The following ELP3 variants were observed in gnomAD, a reference collection of about 807,000 sequenced individuals.
ELP3 encodes elongator acetyltransferase complex subunit 3, also known as elongator complex protein 3.
ELP3 carries 56 observed loss-of-function variants against 74.9 expected under a neutral mutation model. The observed-to-expected ratio is 0.75, with a 90% CI of 0.60 to 0.93. ELP3 has a LOEUF of 0.93. Ranked by LOEUF, ELP3 falls within the 40% of genes least tolerant of loss-of-function variation. The probability of loss-of-function intolerance (pLI) is 0.00; values close to 1 mark genes in which losing one functional copy is unlikely to be tolerated. For missense variants in ELP3, 573 were observed against 686.5 expected (o/e 0.83, Z 1.85); for synonymous variants, 222 against 239.8 (o/e 0.93, Z 0.68).
chr8:28,159,484 C>A (rs1183490683), intron 12 of ELP3, among the ~76,000 whole-genome samples: 2 of 152,212 alleles, frequency 1.3e-5, no homozygotes, highest in African/African-American at 4.8e-5. Flanking sequence ...ATCTCCCCAT[C>A]TACCGAGTGT....
chr8:28,090,268 G>T, upstream of ELP3: 1 of 401,222 alleles, frequency 2.5e-6, no homozygotes, highest in South Asian at 1.9e-5. Flanking sequence ...TGTGCAAGGA[G>T]GAGTGGCCAA....
intron 4 of ELP3, among the ~76,000 whole-genome samples, 180 bp downstream of exon 4, chr8:28,106,963 A>G (rs543281146): frequency 6.6e-6 from 1 of 152,332 alleles, no homozygotes; most frequent in Admixed American, 6.5e-5. Context: ...ATTGGAATAT[A>G]TAAGGCCGGG....
intron 10 of ELP3, among the ~76,000 whole-genome samples, chr8:28,141,511 C>G (rs2130495074): frequency 6.6e-6 from 1 of 152,272 alleles, no homozygotes; most frequent in Non-Finnish European, 1.5e-5. Context: ...TGGTGAAACT[C>G]AAATGGGGTC....
chr8:28,175,524 A>G (rs746505219), intron 14 of ELP3, among the ~76,000 whole-genome samples: 2 of 152,034 alleles, frequency 1.3e-5, no homozygotes, highest in Non-Finnish European at 2.9e-5. Flanking sequence ...TCCCCTTGAT[A>G]TCCTTTCTTT....
chr8:28,180,208 T>C (rs960132426), intron 14 of ELP3, among the ~76,000 whole-genome samples: 3 of 152,160 alleles, frequency 2.0e-5, no homozygotes, highest in Non-Finnish European at 1.5e-5. Flanking sequence ...CTCTAACACA[T>C]GCATATTGAC....
chr8:28,146,374 A>G (rs767331865), intron 10 of ELP3, among the ~76,000 whole-genome samples: 2 of 152,208 alleles, frequency 1.3e-5, no homozygotes, highest in Non-Finnish European at 2.9e-5. Context: ...TTTCTGAAGT[A>G]TGAGCAACTG....
At chr8:28,124,458 C>T (rs1343791436) in intron 7 of ELP3, among the ~76,000 whole-genome samples, 1 of 152,076 alleles carries the variant, frequency 6.6e-6, no homozygotes, top group Non-Finnish European at 1.5e-5. Flanking sequence ...TGATTTGAAG[C>T]TTTCTAATGA....
At position 28,093,230 on chromosome 8, in the gene ELP3, A is replaced by G. The variant is rs557145550; in HGVS notation, c.16A>G (p.Lys6Glu). The change falls in exon 1 of 15, where the codon AAA (lysine) becomes GAA (glutamate). Residue 6 changes from lysine (K) to glutamate (E), a missense_variant. By Grantham distance (56) the Lys-to-Glu change is moderately conservative. Transcript: ENST00000256398. Reference protein sequence around the residue: MRQKRKGDLSPAELMM... With the variant: MRQKREGDLSPAELMM... Reference sequence around the variant, plus strand: ...CGGCGCAGAAATGAGGCAGAAGCGGAAAGGTGCGAAAGGGGAAGGAGATGG... The same window carrying G: ...CGGCGCAGAAATGAGGCAGAAGCGGGAAGGTGCGAAAGGGGAAGGAGATGG... The G allele has an allele frequency of 1.2e-6, 2 of 1,613,098 alleles. No homozygotes were observed. Among genetic ancestry groups the G allele is most frequent in the Non-Finnish European group, 1.7e-6 (2 of 1,179,904 alleles).
intron 11 of ELP3, 27 bp from the exon 12 acceptor site, chr8:28,158,541 C>T (rs954136853): frequency 1.3e-6 from 2 of 1,588,276 alleles, no homozygotes; most frequent in African/African-American, 1.3e-5. Context: ...ACCCCCCAAC[C>T]CCGCTCACGC....
At chr8:28,154,638 T>A (rs974750732) in intron 10 of ELP3, among the ~76,000 whole-genome samples, 5 of 152,186 alleles carry the variant, frequency 3.3e-5, no homozygotes, top group African/African-American at 9.7e-5. Context: ...AGTAAAATTT[T>A]AAAAATATAC....
chr8:28,156,272 C>T (rs1199971857), intron 11 of ELP3, among the ~76,000 whole-genome samples: 1 of 152,098 alleles, frequency 6.6e-6, no homozygotes, highest in Admixed American at 6.6e-5. Flanking sequence ...AACTGTGTGC[C>T]CCACTCCAGT....
chr8:28,096,494 G>A (rs1426799273), intron 1 of ELP3, among the ~76,000 whole-genome samples: 2 of 152,244 alleles, frequency 1.3e-5, no homozygotes, highest in East Asian at 3.9e-4. Context: ...AAAAAGACTG[G>A]CATTTTTTAC....
intron 14 of ELP3, among the ~76,000 whole-genome samples, chr8:28,189,243 C>T (rs1204604150): frequency 6.6e-6 from 1 of 152,230 alleles, no homozygotes; most frequent in African/African-American, 2.4e-5. Context: ...AACCGTCTAT[C>T]GTTTGGCCTC....
At position 28,156,000 on chromosome 8, in the gene ELP3, GC is replaced by G. The variant is rs746877030; in HGVS notation, c.1160del (p.Ala387AspfsTer5). ...GVEHGNLREL[A>X]LARMKDLGIQ... is the part of the protein sequence containing the mutation. Reference sequence around the variant, plus strand: ...AGAGCATGGTAACCTGAGAGAGCTGGCACTTGCAAGAATGAAAGACCTCGGA... The same window carrying G: ...AGAGCATGGTAACCTGAGAGAGCTGGACTTGCAAGAATGAAAGACCTCGGA... On this transcript the variant is annotated frameshift_variant, in exon 11 of 15. Coordinates refer to ENST00000256398, the MANE Select transcript of ELP3 (RefSeq NM_018091.6). LOFTEE classifies it high-confidence loss of function. 5 of 1,613,782 alleles carry G rather than the reference GC, an allele frequency of 3.1e-6. No individual in the cohort carries two copies. The Admixed American group carries it at 8.3e-5, about 27-fold the overall frequency.
rs756465140 is a variant in ELP3 at position 28,189,634 on chromosome 8, TC to T, written c.1568-14del. On this transcript the variant is annotated splice_polypyrimidine_tract_variant and intron_variant, in intron 14 of 14. Transcript: ENST00000256398. ...TAAAGTGAATGCTCCTTTTTTAACT[TC>T]GATTTTTCTGCAGGGGTCGGCACCA... The T allele has an allele frequency of 3.1e-5, 50 of 1,613,804 alleles. No individual in the cohort carries two copies. The highest frequency in any genetic ancestry group is 3.8e-5 in the Non-Finnish European group (45 of 1,179,852).
At chr8:28,171,604 G>A (rs1814530081) in intron 14 of ELP3, among the ~76,000 whole-genome samples, 1 of 151,990 alleles carries the variant, frequency 6.6e-6, no homozygotes, top group Non-Finnish European at 1.5e-5. Flanking sequence ...TCCATTCTGT[G>A]GGTTGCCTTT....
chr8:28,153,852 T>A (rs929283231), intron 10 of ELP3, among the ~76,000 whole-genome samples: 1 of 152,180 alleles, frequency 6.6e-6, no homozygotes, highest in Non-Finnish European at 1.5e-5. Context: ...ATTGGGTAAT[T>A]AACTTCTCAG....
At position 28,169,855 on chromosome 8, in the gene ELP3, G is replaced by A. The variant is rs541063812; in HGVS notation, c.1567+7777G>A. On this transcript the variant is annotated intron_variant, in intron 14 of 14. Coordinates refer to ENST00000256398, the MANE Select transcript of ELP3 (RefSeq NM_018091.6). ...CACTGTGCACTTTTTGGCAGGCATC[G>A]GTTCCTCACAAGCTGTTGGTCTTGG... Among the ~76,000 whole-genome samples the A allele has an allele frequency of 1.2e-4, 18 of 152,162 alleles. No homozygotes were observed. The South Asian group carries it at 2.5e-3, about 21-fold the overall frequency.
intron 7 of ELP3, among the ~76,000 whole-genome samples, chr8:28,125,913 A>C (rs1005030521): frequency 1.3e-5 from 2 of 152,310 alleles, no homozygotes; most frequent in Admixed American, 1.3e-4. Context: ...AAGAGGAAAG[A>C]TAAGCGGTAG....
Sources: gnomAD v4.1 joint callset for allele counts (sites outside exome capture counted in the v4.1 genomes callset) on GRCh38, gnomAD v4.1.1 for gene constraint, MANE v1.5 for transcripts, NCBI Gene and HGNC (gene_info 2026-07-23, HGNC 2026-07-21) for gene names.